Variants in FAM83B observed in about 807,000 individuals in gnomAD.
The protein encoded by FAM83B is scaffolding CK1 anchoring protein B.
FAM83B carries 26 observed loss-of-function variants against 38.8 expected under a neutral mutation model. The observed-to-expected ratio is 0.67, with a 90% CI of 0.49 to 0.93. The LOEUF (loss-of-function observed/expected upper bound fraction) is 0.93, where lower values mean the gene tolerates loss of function less well. Ranked by LOEUF, FAM83B falls within the 40% of genes least tolerant of loss-of-function variation. FAM83B has a pLI of 0.00. For missense variants in FAM83B, 1,237 were observed against 1,197.3 expected (o/e 1.03, Z -0.49); for synonymous variants, 419 against 423.1 (o/e 0.99, Z 0.12).
At chr6:54,874,700 A>G (rs1771950603) in intron 2 of FAM83B, among the ~76,000 whole-genome samples, 1 of 152,134 alleles carries the variant, frequency 6.6e-6, no homozygotes, top group Non-Finnish European at 1.5e-5. Context: ...TTTAACCACA[A>G]TGTTATTTGC....
At chr6:54,914,771 C>T (rs905892362) in intron 2 of FAM83B, among the ~76,000 whole-genome samples, 1 of 152,104 alleles carries the variant, frequency 6.6e-6, no homozygotes, top group African/African-American at 2.4e-5. Context: ...CACTTCCTGG[C>T]AAGCCCACAA....
intron 2 of FAM83B, among the ~76,000 whole-genome samples, chr6:54,889,156 G>A (rs1772345847): frequency 1.3e-5 from 2 of 151,948 alleles, no homozygotes; most frequent in African/African-American, 4.8e-5. Context: ...GGCATCTGTT[G>A]TCTTGAATGC....
In FAM83B at chr6:54,926,362, A is replaced by AT; in HGVS notation, c.445-6dup. ...ATCTAAAATTGTTTCATATTCTTAT[A>AT]TTTAACAGGTCATTGCTTTAGTGAT... On this transcript the variant is annotated splice_polypyrimidine_tract_variant and intron_variant, in intron 2 of 4. Transcript: ENST00000306858. 1 of 1,529,566 alleles carries AT rather than the reference A, an allele frequency of 6.5e-7. No individual in the cohort carries two copies. Among genetic ancestry groups the AT allele is most frequent in the Non-Finnish European group, 8.9e-7 (1 of 1,127,642 alleles). 94.7% of individuals were successfully genotyped at this position (1,529,566 alleles called of 1,614,324 possible).
At chr6:54,846,325 T>C (rs1771132188), upstream of FAM83B, among the ~76,000 whole-genome samples, 2 of 152,124 alleles carry the variant, frequency 1.3e-5, no homozygotes, top group African/African-American at 4.8e-5. Context: ...CCCAGGCCTC[T>C]CCTCCAGGCA....
At chr6:54,858,786 G>T (rs78593976) in intron 1 of FAM83B, among the ~76,000 whole-genome samples, 1 of 151,972 alleles carries the variant, frequency 6.6e-6, no homozygotes, top group Non-Finnish European at 1.5e-5. Flanking sequence ...AAATTTTATG[G>T]AGAATCCCCA....
At chr6:54,871,496 A>C (rs1771851434) in intron 2 of FAM83B, among the ~76,000 whole-genome samples, 1 of 150,896 alleles carries the variant, frequency 6.6e-6, no homozygotes, top group Non-Finnish European at 1.5e-5. Flanking sequence ...AAGCAGGCGA[A>C]TCACTTGAGG....
At chr6:54,858,944 TG>T (rs1448829804) in intron 1 of FAM83B, among the ~76,000 whole-genome samples, 42 of 152,178 alleles carry the variant, frequency 2.8e-4, no homozygotes, top group Non-Finnish European at 1.6e-4. Context: ...CCTTTATAAA[TG>T]GGTAATATTT....
At chr6:54,885,644 A>G (rs1211322478) in intron 2 of FAM83B, among the ~76,000 whole-genome samples, 1 of 152,142 alleles carries the variant, frequency 6.6e-6, no homozygotes, top group African/African-American at 2.4e-5. Context: ...TTCCATTGCA[A>G]TGTTTAACAT....
intron 2 of FAM83B, among the ~76,000 whole-genome samples, chr6:54,878,316 AACCCTGCGT>A (rs1772045331): frequency 6.6e-6 from 1 of 152,190 alleles, no homozygotes; most frequent in Non-Finnish European, 1.5e-5. Flanking sequence ...GTACCAAAGA[AACCCTGCGT>A]ACCCTTGAAT....
intron 2 of FAM83B, among the ~76,000 whole-genome samples, chr6:54,889,171 A>G (rs965587952): frequency 6.6e-5 from 10 of 152,054 alleles, no homozygotes; most frequent in Non-Finnish European, 1.5e-4. Flanking sequence ...GAATGCTTCA[A>G]TAACAGTTGT....
At chr6:54,856,894 C>T (rs1188107929) in intron 1 of FAM83B, among the ~76,000 whole-genome samples, 2 of 152,034 alleles carry the variant, frequency 1.3e-5, no homozygotes, top group African/African-American at 4.8e-5. Context: ...CAAGTGAAAA[C>T]TAAAAGCTTT....
intron 1 of FAM83B, among the ~76,000 whole-genome samples, chr6:54,862,153 C>T (rs1771599517): frequency 6.6e-6 from 1 of 152,220 alleles, no homozygotes; most frequent in African/African-American, 2.4e-5. Context: ...TAATGTTTAA[C>T]TTCTACATAC....
In FAM83B at chr6:54,940,811, T is replaced by A. The variant is rs1773663547; in HGVS notation, c.1840T>A (p.Leu614Met). Residue 614 changes from leucine to methionine, a missense_variant, in exon 5 of 5, where the codon TTG becomes ATG. Transcript: ENST00000306858. ...GTCAGAGGCACCAAAAATGCACACC[T>A]TGCAGGTTCCTGAAAACCACTCAGT... is the stretch of plus-strand genomic sequence containing the variant. ...LQSEAPKMHT[L>M]QVPENHSVAL... 1 of 1,613,880 alleles carries A rather than the reference T, an allele frequency of 6.2e-7. No individual in the cohort carries two copies.
intron 2 of FAM83B, among the ~76,000 whole-genome samples, chr6:54,876,893 A>G (rs1170461305): frequency 6.6e-6 from 1 of 152,078 alleles, no homozygotes; most frequent in Non-Finnish European, 1.5e-5. Context: ...GTTTATGTTT[A>G]CTCATTCTTT....
intron 1 of FAM83B, among the ~76,000 whole-genome samples, chr6:54,853,758 G>A (rs983052066): frequency 6.6e-6 from 1 of 152,186 alleles, no homozygotes; most frequent in Non-Finnish European, 1.5e-5. Context: ...TTGTTCCATA[G>A]CACATGGATC....
chr6:54,881,474 C>T (rs920897376), intron 2 of FAM83B, among the ~76,000 whole-genome samples: 1 of 151,822 alleles, frequency 6.6e-6, no homozygotes, highest in Admixed American at 6.6e-5. Context: ...AACTCAAACA[C>T]AGGCAATAAA....
At chr6:54,883,160 G>T (rs548392081) in intron 2 of FAM83B, among the ~76,000 whole-genome samples, 45 of 152,024 alleles carry the variant, frequency 3.0e-4, no homozygotes, top group African/African-American at 1.0e-3. Flanking sequence ...AGCCAGGATG[G>T]TCTCTATCTC....
intron 4 of FAM83B, among the ~76,000 whole-genome samples, chr6:54,933,205 A>G (rs143035439): frequency 1.6e-4 from 24 of 148,746 alleles, no homozygotes; most frequent in African/African-American, 5.2e-4. Context: ...AAGTTTATTC[A>G]TTATTTCTTC....
intron 4 of FAM83B, among the ~76,000 whole-genome samples, chr6:54,930,377 A>G (rs1310600772): frequency 6.6e-6 from 1 of 152,078 alleles, no homozygotes; most frequent in African/African-American, 2.4e-5. Flanking sequence ...ATGACATCCC[A>G]TCTGAACTAG....
Sources: allele counts gnomAD v4.1 joint callset (sites outside exome capture counted in the v4.1 genomes callset), GRCh38; gene constraint gnomAD v4.1.1; transcripts MANE v1.5; gene names NCBI Gene and HGNC (gene_info 2026-07-23, HGNC 2026-07-21).